Variants in ENG observed in about 807,000 individuals in gnomAD.
The protein encoded by ENG is CD105 antigen.
ENG carries 17 observed loss-of-function variants against 71.0 expected under a neutral mutation model. The ratio of observed to expected loss-of-function variants is 0.24; its 90% confidence interval spans 0.16 to 0.36. The LOEUF is 0.36. Among genes scored for constraint, ENG ranks in the 10% least tolerant of loss-of-function variants. The pLI, the probability that ENG is intolerant of heterozygous loss-of-function variation, is 1.00. For synonymous variants in ENG, 360 were observed against 366.9 expected (o/e 0.98, Z 0.21); for missense variants, 749 against 868.3 (o/e 0.86, Z 1.73).
At chr9:127,843,704 GATATAC>G (rs1831098906) in intron 1 of ENG, among the ~76,000 whole-genome samples, 1 of 113,418 alleles carries the variant, frequency 8.8e-6, no homozygotes, top group African/African-American at 3.6e-5. Flanking sequence ...TACATATATA[GATATAC>G]ATATATACAC....
rs74847389 is a variant in ENG, at chr9:127,827,742, C to T, written c.361-1070G>A. On this transcript the variant is annotated intron_variant, in intron 3 of 14. Transcript: ENST00000373203. ...GCCTCAAGAGACCCTCCTGGCCAGGCACAGTGGCTCACGCCTGTAAACCAG... is the reference window on the plus strand; with the variant it reads ...GCCTCAAGAGACCCTCCTGGCCAGGTACAGTGGCTCACGCCTGTAAACCAG... Among the ~76,000 whole-genome samples the T allele has an allele frequency of 1.8e-4, 28 of 152,256 alleles. No homozygotes were observed. The East Asian group carries it at 5.4e-3, about 29-fold the overall frequency.
At chr9:127,821,053 T>G (rs1830456237) in intron 8 of ENG, 1 of 152,092 alleles carries the variant, frequency 6.6e-6, no homozygotes, top group Non-Finnish European at 1.5e-5. Context: ...TCCCATAAAA[T>G]TATAACGAAG....
At position 127,816,068 on chromosome 9, in the gene ENG, C is replaced by T. The variant is rs201678228; in HGVS notation, c.1742-15G>A. 7.6e-5 allele frequency: 122 copies of T among 1,605,684 alleles called. No homozygotes were observed. The East Asian group carries it at 2.3e-3, about 30-fold the overall frequency. ...GCTTGTGCAACCTAGAGAGGGCCGA[C>T]GCCATCAGCACTGCCACTCTGCCCC... On this transcript the variant is annotated splice_polypyrimidine_tract_variant and intron_variant, in intron 13 of 14. Coordinates refer to ENST00000373203, the MANE Select transcript of ENG (RefSeq NM_001114753.3).
At chr9:127,817,650 G>A (rs550232805) in intron 12 of ENG, 66 of 352,140 alleles carry the variant, frequency 1.9e-4, no homozygotes, top group South Asian at 5.8e-4. Flanking sequence ...CTCTGGGGGC[G>A]TCCAGGATAG....
chr9:127,815,900 G>A (rs756018069), intron 14 of ENG, 43 bp downstream of exon 14: 2 of 1,574,170 alleles, frequency 1.3e-6, no homozygotes, highest in South Asian at 2.3e-5. Context: ...CCGGGTGGAT[G>A]GAGGGGCCCG....
At position 127,825,355 on chromosome 9, in the gene ENG, G is replaced by C. The variant is rs1289232116; in HGVS notation, c.692C>G (p.Pro231Arg). The change falls in exon 6 of 15, where the codon CCC becomes CGC. Residue 231 changes from proline to arginine, a missense_variant and splice_region_variant. Transcript: ENST00000373203. Reference sequence around the variant, plus strand: ...TTCCACCTTCACCGTCACCGTCCGGGGCCTGCGGGGAGACAGACGCGGATG... The same window carrying C: ...TTCCACCTTCACCGTCACCGTCCGGCGCCTGCGGGGAGACAGACGCGGATG... ...LRVLPGHSAG[P>R]RTVTVKVELS... The C allele has an allele frequency of 6.2e-7, 1 of 1,610,168 alleles. No individual in the cohort carries two copies. Among genetic ancestry groups the C allele is most frequent in the Admixed American group, 1.7e-5 (1 of 59,564 alleles).
chr9:127,843,008 G>C, intron 2 of ENG, 86 bp downstream of exon 2: 1 of 1,601,274 alleles, frequency 6.2e-7, no homozygotes, highest in Non-Finnish European at 8.5e-7. Flanking sequence ...ACTGCCCCAG[G>C]GACAGCCACA....
intron 1 of ENG, among the ~76,000 whole-genome samples, chr9:127,853,778 C>T (rs921140751): frequency 1.3e-5 from 2 of 152,372 alleles, no homozygotes; most frequent in East Asian, 3.9e-4. Context: ...CACCCACCTC[C>T]TCAGCAGCTC....
chr9:127,829,596 G>A lies in ENG; in HGVS notation c.360+91C>T, dbSNP rs371908386. On this transcript the variant is annotated intron_variant, in intron 3 of 14. Transcript: ENST00000373203. ...TGAAAGGGAGAAGCAGGGCTGGGCC[G>A]CTGGGGTGGGAGACCCTGACCCACA... The A allele has an allele frequency of 5.8e-5, 90 of 1,541,610 alleles. No individual in the cohort carries two copies. In the East Asian group the frequency reaches 8.4e-4, roughly 14 times the overall value.
intron 2 of ENG, 48 bp from the exon 3 acceptor site, chr9:127,829,875 AGGTTGTGC>A: frequency 6.2e-7 from 1 of 1,611,846 alleles, no homozygotes; most frequent in Non-Finnish European, 8.5e-7. Flanking sequence ...AGATTTGTAT[AGGTTGTGC>A]CACCCAGACA....
chr9:127,843,078 G>A lies in ENG; in HGVS notation c.219+16C>T. On this transcript the variant is annotated intron_variant, in intron 2 of 14. Coordinates refer to ENST00000373203, the MANE Select transcript of ENG (RefSeq NM_001114753.3). The stretch of plus-strand genomic sequence containing the variant: ...TTCCTCTGAGCCCCCACCCGACCCT[G>A]CCATGGGACACTCACCGTTGGGAAC... The A allele has an allele frequency of 6.2e-7, 1 of 1,613,764 alleles. No individual in the cohort carries two copies. The highest frequency in any genetic ancestry group is 1.1e-5 in the South Asian group (1 of 91,052).
At chr9:127,829,870 T>C in intron 2 of ENG, 43 bp from the exon 3 acceptor site, 1 of 1,612,320 alleles carries the variant, frequency 6.2e-7, no homozygotes, top group Non-Finnish European at 8.5e-7. Context: ...CAGTCAGATT[T>C]GTATAGGTTG....
chr9:127,829,560 T>C (rs530357957), intron 3 of ENG, 127 bp downstream of exon 3: 1 of 1,305,442 alleles, frequency 7.7e-7, no homozygotes, highest in Admixed American at 2.0e-5. Flanking sequence ...CCCTGGTGAA[T>C]AATGTCAAGA....
At chr9:127,849,939 A>T (rs12379490) in intron 1 of ENG, among the ~76,000 whole-genome samples, 2 of 152,196 alleles carry the variant, frequency 1.3e-5, no homozygotes, top group African/African-American at 4.8e-5. Context: ...TAAGTCTGAC[A>T]GTACACATAC....
Position 127,818,117 on chromosome 9 carries a change from C to A in ENG, c.1686+3G>T. On this transcript the variant is annotated splice_donor_region_variant and intron_variant, in intron 12 of 14. Transcript: ENST00000373203. ...AGCTGGGGCCGGCCCAGGCCCCACT[C>A]ACCTGGTCTTGAGACCCGGTCTTGG... is the stretch of plus-strand genomic sequence containing the variant. The A allele has an allele frequency of 6.2e-7, 1 of 1,614,136 alleles. No individual in the cohort carries two copies. Among genetic ancestry groups the A allele is most frequent in the South Asian group, 1.1e-5 (1 of 91,082 alleles).
Position 127,843,178 on chromosome 9 carries a change from G to A in ENG, c.135C>T (p.Thr45=). ...CGCAGCCCTTCGAGACCTGGCTAGT[G>A]GTATATGTCACCTCGCCCCTCTCGG... ...VGPERGEVTY[T]TSQVSKGCVA... Residue 45 remains threonine, a synonymous_variant, in exon 2 of 15, where the codon ACC becomes ACT. Coordinates refer to ENST00000373203, the MANE Select transcript of ENG (RefSeq NM_001114753.3). The A allele has an allele frequency of 5.6e-6, 9 of 1,614,236 alleles. No homozygotes were observed. Among genetic ancestry groups the A allele is most frequent in the Middle Eastern group, 1.6e-4 (1 of 6,062 alleles).
At position 127,824,830 on chromosome 9, in the gene ENG, TGGCCAGC is replaced by T; in HGVS notation, c.954_960del (p.Leu319AlafsTer38). On this transcript the variant is annotated frameshift_variant, in exon 7 of 15. Transcript: ENST00000373203. LOFTEE classifies it high-confidence loss of function. ...CTGGAGGCATGAAGTGAGACAATGC[TGGCCAGC>T]GGTAGCTCCACGAAGGATGCCACAA... is the stretch of plus-strand genomic sequence containing the variant. 6.3e-7 allele frequency: 1 copy of T among 1,588,720 alleles called. No homozygotes were observed. The highest frequency in any genetic ancestry group is 8.6e-7 in the Non-Finnish European group (1 of 1,167,570).
At chr9:127,817,377 G>T in intron 12 of ENG, 174 bp from the exon 13 acceptor site, 1 of 705,858 alleles carries the variant, frequency 1.4e-6, no homozygotes, top group Non-Finnish European at 2.5e-6. Flanking sequence ...GTGGGAGGGT[G>T]CCTAGTGGAC....
At position 127,818,747 on chromosome 9, in the gene ENG, G is replaced by A; in HGVS notation, c.1397C>T (p.Thr466Ile). 2 of 1,614,156 alleles carry A rather than the reference G, an allele frequency of 1.2e-6. No homozygotes were observed. The highest frequency in any genetic ancestry group is 2.2e-5 in the South Asian group (2 of 91,082). The change falls in exon 11 of 15, where the codon ACC (threonine) becomes ATC (isoleucine). Residue 466 changes from threonine to isoleucine, a missense_variant. Transcript: ENST00000373203. ...AAAGCTCTGCTGCCCCGGCTCGATG[G>A]TGTTGGAGGCCTGGAGGAAGTGTGG... ...LSPHFLQASN[T>I]IEPGQQSFVQ...
Sources: allele counts gnomAD v4.1 joint callset (sites outside exome capture counted in the v4.1 genomes callset), GRCh38; gene constraint gnomAD v4.1.1; transcripts MANE v1.5; gene names NCBI Gene and HGNC (gene_info 2026-07-23, HGNC 2026-07-21).